The following ELP4 variants were observed in gnomAD, a reference collection of about 807,000 sequenced individuals.
The protein encoded by ELP4 is elongator acetyltransferase complex subunit 4.
ELP4 carries 51 observed loss-of-function variants against 48.9 expected under a neutral mutation model. That is an observed-to-expected ratio of 1.04 (90% CI 0.83 to 1.32). The LOEUF is 1.32. Ranked by LOEUF, ELP4 falls within the 40% of genes most tolerant of loss-of-function variation. The pLI is 0.00. For missense variants in ELP4, 519 were observed against 514.6 expected (o/e 1.01, Z -0.08); for synonymous variants, 210 against 189.2 (o/e 1.11, Z -0.90).
chr11:31,598,200 G>A (rs550824326), intron 4 of ELP4, among the ~76,000 whole-genome samples: 49 of 151,456 alleles, frequency 3.2e-4, no homozygotes, highest in South Asian at 1.7e-3. Context: ...GTGATCCGCC[G>A]ACCTCGGCCT....
At chr11:31,673,181 T>A (rs942388311) in intron 9 of ELP4, among the ~76,000 whole-genome samples, 2 of 152,058 alleles carry the variant, frequency 1.3e-5, no homozygotes, top group African/African-American at 2.4e-5. Context: ...CATGTCCGGC[T>A]AATTTTTGTA....
chr11:31,527,454 C>T (rs1030699110), intron 2 of ELP4, among the ~76,000 whole-genome samples: 15 of 151,978 alleles, frequency 9.9e-5, no homozygotes, highest in African/African-American at 3.6e-4. Context: ...GAAGCTTTCC[C>T]TACTTCCAAA....
intron 9 of ELP4, among the ~76,000 whole-genome samples, chr11:31,700,594 G>A (rs1946500844): frequency 1.3e-5 from 2 of 152,044 alleles, no homozygotes; most frequent in South Asian, 4.1e-4. Flanking sequence ...CACACAGGAA[G>A]TAACAGAACC....
chr11:31,782,002 A>G (rs1948388063), intron 9 of ELP4, among the ~76,000 whole-genome samples: 1 of 152,200 alleles, frequency 6.6e-6, no homozygotes, highest in Non-Finnish European at 1.5e-5. Context: ...CTGTATGGAT[A>G]TTACTCTATG....
intron 9 of ELP4, among the ~76,000 whole-genome samples, chr11:31,715,918 CA>C (rs1946833414): frequency 6.6e-6 from 1 of 152,124 alleles, no homozygotes; most frequent in Non-Finnish European, 1.5e-5. Context: ...AATGATTACA[CA>C]GTTAAGGGAT....
At chr11:31,714,089 C>G (rs1946794901) in intron 9 of ELP4, among the ~76,000 whole-genome samples, 1 of 152,004 alleles carries the variant, frequency 6.6e-6, no homozygotes. Flanking sequence ...AAGACCAGCA[C>G]TGTATGATTA....
At chr11:31,544,376 G>A (rs1193835013) in intron 3 of ELP4, among the ~76,000 whole-genome samples, 2 of 152,164 alleles carry the variant, frequency 1.3e-5, no homozygotes, top group Admixed American at 6.5e-5. Context: ...AGGGTCCTAC[G>A]CCCATGGAGT....
intron 2 of ELP4, among the ~76,000 whole-genome samples, chr11:31,538,698 G>A (rs1956545102): frequency 6.6e-6 from 1 of 151,578 alleles, no homozygotes; most frequent in Non-Finnish European, 1.5e-5. Context: ...TAATATAAAT[G>A]TATATTCTAT....
chr11:31,785,567 T>C lies in ELP4; in HGVS notation c.*2043T>C, dbSNP rs1162340669. Reference sequence around the variant, plus strand: ...ACTTTTCAAACTCAGTAAAAGTGCATTTTGAATAATAAGTGTACCTGGGCT... The same window carrying C: ...ACTTTTCAAACTCAGTAAAAGTGCACTTTGAATAATAAGTGTACCTGGGCT... On this transcript the variant is annotated 3_prime_UTR_variant, in exon 10 of 10. Coordinates refer to ENST00000640961, the MANE Select transcript of ELP4 (RefSeq NM_019040.5). 5.1e-6 allele frequency: 1 copy of C among 194,446 alleles called. No homozygotes were observed. Among genetic ancestry groups the C allele is most frequent in the Non-Finnish European group, 1.1e-5 (1 of 93,358 alleles). 12.0% of individuals were successfully genotyped at this position (194,446 alleles called of 1,614,324 possible).
intron 9 of ELP4, among the ~76,000 whole-genome samples, chr11:31,767,033 AT>A (rs1034494094): frequency 1.3e-5 from 2 of 152,194 alleles, no homozygotes; most frequent in African/African-American, 4.8e-5. Flanking sequence ...TGCTCTGAGT[AT>A]CTCAAGAAAT....
At chr11:31,609,798 G>A (rs543333920) in intron 5 of ELP4, among the ~76,000 whole-genome samples, 4 of 152,176 alleles carry the variant, frequency 2.6e-5, no homozygotes, top group East Asian at 3.9e-4. Context: ...TTGGGAGGTC[G>A]CGGCAGGAGG....
At chr11:31,574,169 T>G (rs1324630564) in intron 3 of ELP4, among the ~76,000 whole-genome samples, 1 of 152,212 alleles carries the variant, frequency 6.6e-6, no homozygotes, top group East Asian at 1.9e-4. Flanking sequence ...AGAATGCTAG[T>G]AACATAAGAA....
At chr11:31,781,221 T>C (rs1280014222) in intron 9 of ELP4, among the ~76,000 whole-genome samples, 1 of 152,188 alleles carries the variant, frequency 6.6e-6, no homozygotes, top group Non-Finnish European at 1.5e-5. Flanking sequence ...CTGACGTCAT[T>C]TGTCAGGTCC....
At chr11:31,547,802 T>C (rs532180001) in intron 3 of ELP4, among the ~76,000 whole-genome samples, 10 of 152,200 alleles carry the variant, frequency 6.6e-5, no homozygotes, top group Non-Finnish European at 1.2e-4. Flanking sequence ...TCAAGTGGAC[T>C]TCATCCCTGG....
intron 3 of ELP4, among the ~76,000 whole-genome samples, chr11:31,577,528 C>T (rs1957307324): frequency 6.6e-6 from 1 of 151,964 alleles, no homozygotes; most frequent in Non-Finnish European, 1.5e-5. Flanking sequence ...TGATGAACAT[C>T]TATGCAGAAA....
intron 9 of ELP4, chr11:31,707,313 T>C (rs570365907): frequency 7.2e-6 from 2 of 276,282 alleles, no homozygotes; most frequent in Non-Finnish European, 1.3e-5. Flanking sequence ...CAACTGAAAA[T>C]ATAAAGTAGT....
At chr11:31,630,572 G>T (rs1029984334) in intron 6 of ELP4, among the ~76,000 whole-genome samples, 3 of 151,936 alleles carry the variant, frequency 2.0e-5, no homozygotes, top group African/African-American at 7.3e-5. Flanking sequence ...TAGGCGATCT[G>T]CCCTCCTCAG....
chr11:31,571,187 C>G (rs1957187958), intron 3 of ELP4, among the ~76,000 whole-genome samples: 1 of 152,170 alleles, frequency 6.6e-6, no homozygotes, highest in Non-Finnish European at 1.5e-5. Context: ...GAATCAACCC[C>G]TCAAACTCTA....
At chr11:31,581,806 T>C (rs1957397975) in intron 3 of ELP4, among the ~76,000 whole-genome samples, 1 of 151,668 alleles carries the variant, frequency 6.6e-6, no homozygotes, top group South Asian at 2.1e-4. Context: ...CAGGCTAGAA[T>C]GCACTGGTGT....
Sources: gnomAD v4.1 joint callset for allele counts (sites outside exome capture counted in the v4.1 genomes callset) on GRCh38, gnomAD v4.1.1 for gene constraint, MANE v1.5 for transcripts, NCBI Gene and HGNC (gene_info 2026-07-23, HGNC 2026-07-21) for gene names.